Variants in YIF1A observed in about 807,000 individuals in gnomAD.
The protein encoded by YIF1A is Yip1 interacting factor homolog A, membrane trafficking protein.
YIF1A carries 28 observed loss-of-function variants against 32.6 expected under a neutral mutation model. The observed-to-expected ratio is 0.86, with a 90% confidence interval of 0.64 to 1.18. The LOEUF (loss-of-function observed/expected upper bound fraction) is 1.18, where lower values mean the gene tolerates loss of function less well. YIF1A is among the 50% of genes most tolerant of loss of function. YIF1A has a pLI of 0.00. For missense variants in YIF1A, 373 were observed against 390.8 expected (o/e 0.95, Z 0.38); for synonymous variants, 175 against 162.2 (o/e 1.08, Z -0.60).
Position 66,285,712 on chromosome 11 carries a change from GC to G in YIF1A, c.473del (p.Gly158AlafsTer23). The G allele has an allele frequency of 6.2e-7, 1 of 1,613,310 alleles. No individual in the cohort carries two copies. The highest frequency in any genetic ancestry group is 8.5e-7 in the Non-Finnish European group (1 of 1,179,916). ...GGCTTGGCACTGACCTTTTCTGAAT[GC>G]CCAGTGCCATCCCAGCCAGGAGCAC... is the stretch of plus-strand genomic sequence containing the variant. ...TYVLLAGMAL[G>X]IQKRFSPEVL... On this transcript the variant is annotated frameshift_variant, in exon 5 of 8. Coordinates refer to ENST00000376901, the MANE Select transcript of YIF1A (RefSeq NM_020470.3). LOFTEE classifies it high-confidence loss of function.
intron 4 of YIF1A, 60 bp from the exon 5 acceptor site, chr11:66,285,818 G>C (rs1424422954): frequency 6.3e-7 from 1 of 1,586,922 alleles, no homozygotes; most frequent in African/African-American, 1.3e-5. Context: ...TGCCTTACTA[G>C]GCATTCGGGT....
At chr11:66,287,029 G>A (rs1171596879) in intron 4 of YIF1A, 2 of 157,844 alleles carry the variant, frequency 1.3e-5, no homozygotes, top group African/African-American at 4.8e-5. Flanking sequence ...AAAATGCCAT[G>A]TGGACAGGCA....
In YIF1A at chr11:66,288,144, G is replaced by A. The variant is rs2134890677; in HGVS notation, c.180C>T (p.Ala60=). The A allele has an allele frequency of 6.2e-7, 1 of 1,614,168 alleles. No individual in the cohort carries two copies. The highest frequency in any genetic ancestry group is 8.5e-7 in the Non-Finnish European group (1 of 1,180,040). The change falls in exon 2 of 8, where the codon GCC becomes GCT. Residue 60 remains alanine, a synonymous_variant. Transcript: ENST00000376901. ...AGCTGCCATAGGCCATAGCCACATTGGCCATTGGGTCCCCAAGCAAGTGGT... is the reference window on the plus strand; with the variant it reads ...AGCTGCCATAGGCCATAGCCACATTAGCCATTGGGTCCCCAAGCAAGTGGT... ...SVNHLLGDPM[A]NVAMAYGSSI... is the part of the protein sequence containing the mutation.
rs763067317 is a variant in YIF1A at position 66,287,548 on chromosome 11, C to G, written c.427+50G>C. 7 of 1,504,770 alleles carry G rather than the reference C, an allele frequency of 4.7e-6. No individual in the cohort carries two copies. The South Asian group carries it at 8.3e-5, about 18-fold the overall frequency. The allele number at this position is 1,504,770 out of a possible 1,614,324, so 93.2% of individuals were successfully genotyped here. A position where few individuals can be genotyped will look rare whatever the true frequency, so the allele number is the denominator to read the frequency against. On this transcript the variant is annotated intron_variant, in intron 4 of 7. Transcript: ENST00000376901. ...CCCATTCATCCCTCAAGGCACAAGT[C>G]CCCCCCGACCCCACCCCACCACGTT...
Position 66,287,642 on chromosome 11 carries a change from A to G in YIF1A, c.383T>C (p.Leu128Pro), listed in dbSNP as rs1565187903. 6.5e-7 allele frequency: 1 copy of G among 1,542,262 alleles called. No individual in the cohort carries two copies. The highest frequency in any genetic ancestry group is 1.7e-5 in the Admixed American group (1 of 57,590). ...WEVQYSRDAP[L>P]PPRQDLNAPD... ...GGCGTTGAGGTCTTGCCGGGGGGGC[A>G]GAGGAGCATCACGACTGTACTGCAC... is the stretch of plus-strand genomic sequence containing the variant. Residue 128 changes from leucine (L) to proline (P), a missense_variant, in exon 4 of 8, where the codon CTG becomes CCG. Transcript: ENST00000376901.
intron 4 of YIF1A, 122 bp from the exon 5 acceptor site, chr11:66,285,880 C>A: frequency 1.8e-6 from 2 of 1,102,290 alleles, no homozygotes; most frequent in East Asian, 5.2e-5. Context: ...ATGGCCTGAC[C>A]TCCACATTCT....
rs148907509 is a variant in YIF1A at position 66,284,953 on chromosome 11, C to T, written c.655G>A (p.Val219Met). 20 of 1,613,292 alleles carry T rather than the reference C, an allele frequency of 1.2e-5. No individual in the cohort carries two copies. The African/African-American group carries it at 2.3e-4, about 18-fold the overall frequency. Residue 219 changes from valine to methionine, a missense_variant, in exon 7 of 8, where the codon GTG becomes ATG. Physicochemically the swap from Val to Met is conservative, Grantham distance 21. Transcript: ENST00000376901. ...GYKYVGMILSVLTGLLFGSDG... is the reference protein window; with the variant it reads ...GYKYVGMILSMLTGLLFGSDG... ...CTGCCGAACAGCAGCCCCGTGAGCACACTGAGGATCATTCTGGGGGTGGGA... is the reference window on the plus strand; with the variant it reads ...CTGCCGAACAGCAGCCCCGTGAGCATACTGAGGATCATTCTGGGGGTGGGA...
intron 6 of YIF1A, 94 bp downstream of exon 6, chr11:66,285,287 C>CT (rs1402921140): frequency 1.3e-6 from 2 of 1,535,026 alleles, no homozygotes; most frequent in African/African-American, 2.7e-5. Context: ...CTAGAGGTCA[C>CT]TAGGGGCCGA....
chr11:66,285,693 G>A lies in YIF1A; in HGVS notation c.485+8C>T. 2 of 1,613,338 alleles carry A rather than the reference G, an allele frequency of 1.2e-6. No homozygotes were observed. Among genetic ancestry groups the A allele is most frequent in the South Asian group, 1.1e-5 (1 of 91,074 alleles). On this transcript the variant is annotated splice_region_variant and intron_variant, in intron 5 of 7. Transcript: ENST00000376901. ...GAGGGGAGGGTAAGGGAGGGGCTTG[G>A]CACTGACCTTTTCTGAATGCCCAGT... is the stretch of plus-strand genomic sequence containing the variant.
At position 66,284,629 on chromosome 11, in the gene YIF1A, C is replaced by A; in HGVS notation, c.*8G>T. ...ATGAAAAACTCAGTGCCATCTGGGG[C>A]CAGGGGGTCACCGGACCAGGTGGAA... On this transcript the variant is annotated 3_prime_UTR_variant, in exon 8 of 8. Coordinates refer to ENST00000376901, the MANE Select transcript of YIF1A (RefSeq NM_020470.3). The A allele has an allele frequency of 6.2e-7, 1 of 1,612,524 alleles. No individual in the cohort carries two copies.
chr11:66,284,666 A>ATATG lies in YIF1A; in HGVS notation c.849_852dup (p.Tyr285HisfsTer?). The ATATG allele has an allele frequency of 6.2e-7, 1 of 1,612,878 alleles. No homozygotes were observed. Among genetic ancestry groups the ATATG allele is most frequent in the South Asian group, 1.1e-5 (1 of 91,090 alleles). ...CGGACCAGGTGGAAAGTCAGCCAGT[A>ATATG]TATGATGAGGGGCTGGAAGGCTGCA... On this transcript the variant is annotated frameshift_variant, in exon 8 of 8. Transcript: ENST00000376901. LOFTEE classifies it high-confidence loss of function.
chr11:66,284,744 T>G lies in YIF1A; in HGVS notation c.775A>C (p.Met259Leu), dbSNP rs1395988633. 6 of 1,612,060 alleles carry G rather than the reference T, an allele frequency of 3.7e-6. No individual in the cohort carries two copies. The highest frequency in any genetic ancestry group is 1.1e-5 in the South Asian group (1 of 91,064). The stretch of plus-strand genomic sequence containing the variant: ...CGCTGCCGGGGGACGGGGCCCCCCA[T>G]GCTGTCGGGGCCCAGGGCTGCTGTC... The part of the protein sequence containing the change: ...LRTAALGPDS[M>L]GGPVPRQRLQ... Residue 259 changes from methionine to leucine, a missense_variant, in exon 8 of 8, where the codon ATG becomes CTG. Transcript: ENST00000376901.
Position 66,289,094 on chromosome 11 carries a change from C to T in YIF1A, c.-109G>A. The T allele has an allele frequency of 2.1e-6, 3 of 1,401,184 alleles. No individual in the cohort carries two copies. The highest frequency in any genetic ancestry group is 1.5e-5 in the African/African-American group (1 of 66,632). The allele number at this position is 1,401,184 out of a possible 1,614,324, so 86.8% of individuals were successfully genotyped here. Reference sequence around the variant, plus strand: ...GGTACCGACCGAGGCCACCCGGCCGCGCGACACGTCCCCCACCCCGCCGGT... The same window carrying T: ...GGTACCGACCGAGGCCACCCGGCCGTGCGACACGTCCCCCACCCCGCCGGT... On this transcript the variant is annotated 5_prime_UTR_variant, in exon 1 of 8. Transcript: ENST00000376901.
chr11:66,288,964 C>A lies in YIF1A; in HGVS notation c.22G>T (p.Gly8Ter). Residue 8 changes from glycine (G) to a stop codon, truncating the protein, a stop_gained, in exon 1 of 8, where the codon GGA (glycine) becomes TGA (stop). Transcript: ENST00000376901. LOFTEE classifies it high-confidence loss of function. The part of the protein sequence containing the change: MAYHSGY[G>*]AHGSKHRARA... ...CCCGCGCCCCACGCACCGTGGGCTC[C>A]GTAGCCCGAGTGATAAGCCATGGCC... The A allele has an allele frequency of 6.4e-7, 1 of 1,566,828 alleles. No homozygotes were observed. The highest frequency in any genetic ancestry group is 8.6e-7 in the Non-Finnish European group (1 of 1,165,180).
chr11:66,288,918 C>G (rs778273731), intron 1 of YIF1A, 37 bp downstream of exon 1: 9 of 1,460,626 alleles, frequency 6.2e-6, no homozygotes, highest in East Asian at 5.6e-5. Flanking sequence ...ACTCTCCCCC[C>G]GCCGGCCGCG....
At chr11:66,285,575 G>C in intron 5 of YIF1A, 39 bp from the exon 6 acceptor site, 1 of 1,612,218 alleles carries the variant, frequency 6.2e-7, no homozygotes, top group Non-Finnish European at 8.5e-7. Flanking sequence ...CAGGCATCCT[G>C]AGGCAGGGGT....
rs1170769920 is a variant in YIF1A, at chr11:66,289,104, C to G, written c.-119G>C. On this transcript the variant is annotated 5_prime_UTR_variant, in exon 1 of 8. Transcript: ENST00000376901. ...GAGGCCACCCGGCCGCGCGACACGT[C>G]CCCCACCCCGCCGGTCTCGGCCACC... 11 of 1,351,352 alleles carry G rather than the reference C, an allele frequency of 8.1e-6. No individual in the cohort carries two copies. The highest frequency in any genetic ancestry group is 1.1e-5 in the Non-Finnish European group (11 of 1,038,664). 83.7% of individuals were successfully genotyped at this position (1,351,352 alleles called of 1,614,324 possible). A position where few individuals can be genotyped will look rare whatever the true frequency, so the allele number is the denominator to read the frequency against.
Position 66,284,936 on chromosome 11 carries a change from C to A in YIF1A, c.672G>T (p.Leu224=). The A allele has an allele frequency of 1.2e-6, 2 of 1,613,302 alleles. No homozygotes were observed. The highest frequency in any genetic ancestry group is 1.7e-6 in the Non-Finnish European group (2 of 1,179,964). The change falls in exon 7 of 8, where the codon CTG becomes CTT. Residue 224 remains leucine, a synonymous_variant. Transcript: ENST00000376901. ...GMILSVLTGL[L]FGSDGYYVAL... ...CCACGTAGTAGCCATCGCTGCCGAA[C>A]AGCAGCCCCGTGAGCACACTGAGGA...
Position 66,288,958 on chromosome 11 carries a change from G to C in YIF1A, c.28C>G (p.His10Asp). 6.4e-7 allele frequency: 1 copy of C among 1,553,236 alleles called. No individual in the cohort carries two copies. The highest frequency in any genetic ancestry group is 8.6e-7 in the Non-Finnish European group (1 of 1,159,208). The change falls in exon 1 of 8, where the codon CAC becomes GAC. Residue 10 changes from histidine to aspartate, a missense_variant. Transcript: ENST00000376901. The stretch of plus-strand genomic sequence containing the variant: ...GCCCCGCCCGCGCCCCACGCACCGT[G>C]GGCTCCGTAGCCCGAGTGATAAGCC... The part of the protein sequence containing the change: MAYHSGYGA[H>D]GSKHRARAAP...
Sources: gnomAD v4.1 joint callset for allele counts on GRCh38, gnomAD v4.1.1 for gene constraint, MANE v1.5 for transcripts, NCBI Gene and HGNC (gene_info 2026-07-23, HGNC 2026-07-21) for gene names.